The following PTER variants were observed in gnomAD, a reference collection of about 807,000 sequenced individuals.
The protein encoded by PTER is N-acetyltaurine hydrolase.
PTER carries 38 observed loss-of-function variants against 29.6 expected under a neutral mutation model. That is an observed-to-expected ratio of 1.28 (90% CI 0.99 to 1.68). The LOEUF (loss-of-function observed/expected upper bound fraction) is 1.68, where lower values mean the gene tolerates loss of function less well. PTER is among the 40% of genes most tolerant of loss of function. The pLI, the probability that PTER is intolerant of heterozygous loss-of-function variation, is 0.00. For missense variants in PTER, 482 were observed against 427.8 expected (o/e 1.13, Z -1.12); for synonymous variants, 172 against 154.5 (o/e 1.11, Z -0.84).
At chr10:16,459,966 T>G (rs953272114) in intron 1 of PTER, among the ~76,000 whole-genome samples, 13 of 152,102 alleles carry the variant, frequency 8.5e-5, no homozygotes, top group African/African-American at 3.1e-4. Flanking sequence ...CAGGCTGATC[T>G]CGAACTCCCG....
At chr10:16,464,751 T>C (rs542982394) in intron 1 of PTER, among the ~76,000 whole-genome samples, 1 of 152,344 alleles carries the variant, frequency 6.6e-6, no homozygotes, top group South Asian at 2.1e-4. Context: ...TCAGTGAATG[T>C]TGTCCACACC....
At chr10:16,463,658 C>T (rs907413698) in intron 1 of PTER, among the ~76,000 whole-genome samples, 11 of 152,156 alleles carry the variant, frequency 7.2e-5, no homozygotes, top group African/African-American at 1.2e-4. Context: ...TCAGGTGATC[C>T]GCTCATCTCG....
intron 4 of PTER, among the ~76,000 whole-genome samples, chr10:16,509,368 A>G (rs1836723219): frequency 6.6e-6 from 1 of 152,154 alleles, no homozygotes; most frequent in African/African-American, 2.4e-5. Flanking sequence ...CTTGTCCTCT[A>G]TACTCTTTCA....
chr10:16,499,997 A>C (rs528030595), intron 3 of PTER, among the ~76,000 whole-genome samples: 1 of 151,948 alleles, frequency 6.6e-6, no homozygotes, highest in Non-Finnish European at 1.5e-5. Context: ...TGGCCTCCCA[A>C]AGTGCTGGGA....
intron 1 of PTER, among the ~76,000 whole-genome samples, chr10:16,483,775 G>A (rs541400603): frequency 6.6e-6 from 1 of 152,226 alleles, no homozygotes; most frequent in South Asian, 2.1e-4. Context: ...GAACCCAGGA[G>A]GCGGAGGCGG....
intron 4 of PTER, among the ~76,000 whole-genome samples, chr10:16,507,886 C>T (rs544149934): frequency 6.6e-6 from 1 of 152,076 alleles, no homozygotes; most frequent in Non-Finnish European, 1.5e-5. Context: ...ACAGGTGAAC[C>T]TGTTCCCCTA....
In PTER at chr10:16,502,220, C is replaced by T. The variant is rs114696188; in HGVS notation, c.699-2800C>T. Among the ~76,000 whole-genome samples, 299 of 152,338 alleles carry T rather than the reference C, an allele frequency of 2.0e-3. 3 individuals carry two copies. The highest frequency in any genetic ancestry group is 6.2e-3 in the African/African-American group (259 of 41,566). Reference sequence around the variant, plus strand: ...CTGACTCCTGCCCTCCCCCAGTACCCTGCCCATATTGGATAATTAACACAC... The same window carrying T: ...CTGACTCCTGCCCTCCCCCAGTACCTTGCCCATATTGGATAATTAACACAC... On this transcript the variant is annotated intron_variant, in intron 3 of 4. Coordinates refer to ENST00000535784, the MANE Select transcript of PTER (RefSeq NM_001261836.2).
chr10:16,490,331 G>C (rs1399294385), intron 3 of PTER, among the ~76,000 whole-genome samples: 1 of 152,102 alleles, frequency 6.6e-6, no homozygotes, highest in Non-Finnish European at 1.5e-5. Context: ...AGGTGAACTA[G>C]CCAGGGACCA....
chr10:16,439,823 A>G (rs1833784513), intron 1 of PTER, among the ~76,000 whole-genome samples: 1 of 152,088 alleles, frequency 6.6e-6, no homozygotes, highest in Non-Finnish European at 1.5e-5. Context: ...TCGGCCTCCC[A>G]AACTGTTGAG....
chr10:16,486,802 G>A (rs924144969), intron 3 of PTER, 185 bp downstream of exon 3: 1 of 653,882 alleles, frequency 1.5e-6, no homozygotes, highest in African/African-American at 1.8e-5. Context: ...CCATTTTTGT[G>A]TCCCTCCTCT....
intron 1 of PTER, among the ~76,000 whole-genome samples, chr10:16,438,441 C>T (rs2133348398): frequency 6.7e-6 from 1 of 150,106 alleles, no homozygotes; most frequent in South Asian, 2.2e-4. Flanking sequence ...CACCACCACG[C>T]CCGGCTAGTT....
intron 1 of PTER, among the ~76,000 whole-genome samples, chr10:16,478,229 G>C (rs1019718159): frequency 3.9e-5 from 6 of 152,032 alleles, no homozygotes; most frequent in African/African-American, 1.4e-4. Context: ...CAATAATATT[G>C]CACTTGTCCC....
intron 3 of PTER, among the ~76,000 whole-genome samples, chr10:16,497,379 C>A (rs34184723): frequency 0.53 from 80,576 of 151,736 alleles, 21,906 homozygotes; most frequent in East Asian, 0.83. Flanking sequence ...ATTTGTACTT[C>A]AATGTTTTTT....
At chr10:16,437,628 A>AT (rs1310447260) in intron 1 of PTER, 1 of 151,906 alleles carries the variant, frequency 6.6e-6, no homozygotes, top group Non-Finnish European at 1.5e-5. Context: ...ACAGGTCTAT[A>AT]TTTTTTGACA....
At chr10:16,441,484 T>C (rs191310537) in intron 1 of PTER, among the ~76,000 whole-genome samples, 15 of 152,340 alleles carry the variant, frequency 9.8e-5, no homozygotes, top group Admixed American at 9.1e-4. Flanking sequence ...GTTAATGTCC[T>C]AGGGGCAGTG....
At chr10:16,457,847 G>A (rs114391410) in intron 1 of PTER, among the ~76,000 whole-genome samples, 2,689 of 152,146 alleles carry the variant, frequency 0.018, 86 homozygotes, top group African/African-American at 0.062. Flanking sequence ...AGCCTCAGGT[G>A]ATCTACCTGC....
intron 1 of PTER, among the ~76,000 whole-genome samples, chr10:16,462,587 T>TTC (rs1834656324): frequency 6.6e-6 from 1 of 151,030 alleles, no homozygotes; most frequent in Non-Finnish European, 1.5e-5. Flanking sequence ...TTTTTTTTTT[T>TTC]TGAGACAGAG....
chr10:16,515,460 T>G (rs1470808728), downstream of PTER, among the ~76,000 whole-genome samples: 1 of 152,140 alleles, frequency 6.6e-6, no homozygotes, highest in Non-Finnish European at 1.5e-5. Flanking sequence ...AGGACTAAAT[T>G]TTCATGCTCT....
intron 1 of PTER, chr10:16,476,194 C>T (rs1012294496): frequency 2.0e-5 from 3 of 152,202 alleles, no homozygotes; most frequent in African/African-American, 7.2e-5. Context: ...AACGATTCTC[C>T]TGCCTCAGCC....
Sources: gnomAD v4.1 joint callset for allele counts (sites outside exome capture counted in the v4.1 genomes callset) on GRCh38, gnomAD v4.1.1 for gene constraint, MANE v1.5 for transcripts, NCBI Gene and HGNC (gene_info 2026-07-23, HGNC 2026-07-21) for gene names.